MYO15B: variants seen among roughly 807,000 people sequenced by gnomAD.
The protein encoded by MYO15B is myosin XVB pseudogene.
A neutral mutation model predicts 119.3 loss-of-function variants in MYO15B; 207 were observed. That is an observed-to-expected ratio of 1.73 (90% confidence interval 1.55 to 1.95). The LOEUF (loss-of-function observed/expected upper bound fraction) is 1.95, where lower values mean the gene tolerates loss of function less well. Among genes scored for constraint, MYO15B ranks in the 30% most tolerant of loss-of-function variants. The pLI, the probability that MYO15B is intolerant of heterozygous loss-of-function variation, is 0.00. For missense variants in MYO15B, 2,264 were observed against 1,203.1 expected, an observed-to-expected ratio of 1.88 and a Z score of -13.04; for synonymous variants, 966 against 498.9, an observed-to-expected ratio of 1.94 and a Z score of -12.48.
intron 53 of MYO15B, among the ~76,000 whole-genome samples, chr17:75,623,304 G>T (rs964059387): frequency 6.6e-6 from 1 of 151,798 alleles, no homozygotes; most frequent in Non-Finnish European, 1.5e-5. Context: ...CAGCCTGGGT[G>T]ACAGGGCAAG....
intron 30 of MYO15B, 42 bp downstream of exon 30, chr17:75,614,402 C>T (rs769522758): frequency 7.5e-5 from 52 of 692,488 alleles, no homozygotes; most frequent in Admixed American, 1.2e-4. Flanking sequence ...CTGCTCCTGC[C>T]GGGGAACCCC....
At chr17:75,590,157 G>C (rs924130556) in exon 1 of MYO15B, 7 of 398,952 alleles carry the variant, frequency 1.8e-5, no homozygotes, top group Non-Finnish European at 4.4e-6. Context: ...GCCTCCGGCC[G>C]GGCCTGGAGG....
chr17:75,602,450 T>TCCATAACCA (rs1254026732), intron 15 of MYO15B, 67 bp from the exon 16 acceptor site: 2 of 702,734 alleles, frequency 2.8e-6, no homozygotes, highest in Admixed American at 4.0e-5. Flanking sequence ...ATATCCAGCC[T>TCCATAACCA]CCCCTCCTTG....
exon 64 of MYO15B, chr17:75,626,489 A>T (rs1305751924): frequency 1.7e-5 from 12 of 703,054 alleles, no homozygotes; most frequent in Non-Finnish European, 2.9e-5. Context: ...AACTGAGAGG[A>T]GTGCAGGCCG....
At chr17:75,620,277 A>C (rs2058632213) in exon 48 of MYO15B, 1 of 702,870 alleles carries the variant, frequency 1.4e-6, no homozygotes, top group South Asian at 1.5e-5. Context: ...CTGCGCAGCT[A>C]CATCACTGAC....
exon 31 of MYO15B, chr17:75,614,589 G>C: frequency 5.7e-6 from 4 of 700,914 alleles, no homozygotes; most frequent in Non-Finnish European, 1.0e-5. Context: ...GCAGAGCCGA[G>C]GCCATTCCCC....
intron 14 of MYO15B, among the ~76,000 whole-genome samples, chr17:75,600,098 A>G (rs1213631300): frequency 7.1e-6 from 1 of 141,552 alleles, no homozygotes; most frequent in Non-Finnish European, 1.5e-5. Context: ...ATCTCAGCTC[A>G]CTGCTGCAAA....
At chr17:75,626,726 A>G in exon 64 of MYO15B, 1 of 570,182 alleles carries the variant, frequency 1.8e-6, no homozygotes, top group Non-Finnish European at 3.1e-6. Flanking sequence ...CGGCTGGGGC[A>G]CCTGAGGTTG....
exon 60 of MYO15B, chr17:75,625,172 A>G (rs750125082): frequency 6.4e-5 from 45 of 702,416 alleles, no homozygotes; most frequent in Middle Eastern, 2.3e-4. Context: ...GCCAAGGCAG[A>G]CGCGCAGCTC....
intron 45 of MYO15B, 49 bp downstream of exon 45, chr17:75,619,525 A>G: frequency 1.4e-6 from 1 of 692,878 alleles, no homozygotes; most frequent in South Asian, 1.5e-5. Flanking sequence ...CCCAGCCTGG[A>G]TCCTGGGGTG....
At chr17:75,610,087 G>A (rs2057923397) in intron 21 of MYO15B, 79 bp from the exon 22 acceptor site, 1 of 608,320 alleles carries the variant, frequency 1.6e-6, no homozygotes, top group Non-Finnish European at 3.0e-6. Flanking sequence ...ATGAATGTCA[G>A]GCTTAAGGGA....
At chr17:75,615,385 C>T (rs965750502) in intron 34 of MYO15B, 47 bp downstream of exon 34, 28 of 693,494 alleles carry the variant, frequency 4.0e-5, no homozygotes, top group Non-Finnish European at 6.1e-5. Flanking sequence ...GGAGAGCAGC[C>T]ACCAGCTCTG....
chr17:75,619,348 C>T lies in MYO15B; in HGVS notation c.7064-10C>T, dbSNP rs1336488747. 8.5e-6 allele frequency: 6 copies of T among 702,668 alleles called. No individual in the cohort carries two copies. The highest frequency in any genetic ancestry group is 1.6e-5 in the Non-Finnish European group (6 of 384,902). 43.5% of individuals were successfully genotyped at this position (702,668 alleles called of 1,614,324 possible). On this transcript the variant is annotated splice_polypyrimidine_tract_variant and intron_variant, in intron 44 of 63. Transcript: ENST00000645453. ...GAGCAGAGGGCAGCCTGGGTCCTTC[C>T]TGCCCACAGGAGGCTTGGAGGTGGA...
chr17:75,590,179 C>T, exon 1 of MYO15B: 2 of 399,102 alleles, frequency 5.0e-6, no homozygotes, highest in Non-Finnish European at 8.8e-6. Context: ...GCCACCCTTC[C>T]CCGGTGCCAA....
At chr17:75,591,772 G>T in intron 5 of MYO15B, 60 bp downstream of exon 5, 1 of 702,144 alleles carries the variant, frequency 1.4e-6, no homozygotes, top group South Asian at 1.5e-5. Context: ...TCCTCCAGGG[G>T]ACAGCTGACC....
intron 53 of MYO15B, 129 bp from the exon 54 acceptor site, chr17:75,623,652 G>C: frequency 1.6e-6 from 1 of 638,538 alleles, no homozygotes; most frequent in Non-Finnish European, 2.8e-6. Flanking sequence ...CCAGTGCAGT[G>C]ATGTCTTAAG....
chr17:75,599,079 A>T (rs1373787490), intron 14 of MYO15B, among the ~76,000 whole-genome samples: 2 of 152,174 alleles, frequency 1.3e-5, no homozygotes. Flanking sequence ...ATTTTAAAAA[A>T]TAGAGATGGG....
At chr17:75,615,164 TTC>T (rs2058290035) in intron 33 of MYO15B, 74 bp from the exon 34 acceptor site, 2 of 681,622 alleles carry the variant, frequency 2.9e-6, no homozygotes, top group Non-Finnish European at 5.4e-6. Flanking sequence ...CCCGATGCTC[TTC>T]TCTGTGCCTG....
intron 23 of MYO15B, 130 bp from the exon 24 acceptor site, chr17:75,611,468 CAAA>C (rs11410750): frequency 0.021 from 9,474 of 450,572 alleles, no homozygotes; most frequent in South Asian, 0.025. Context: ...GACCCTGCCT[CAAA>C]AAAAAAAAAA....
Sources: allele counts gnomAD v4.1 joint callset (sites outside exome capture counted in the v4.1 genomes callset), GRCh38; gene constraint gnomAD v4.1.1; transcripts MANE v1.5; gene names NCBI Gene and HGNC (gene_info 2026-07-23, HGNC 2026-07-21).